SYT16: variants seen among roughly 807,000 people sequenced by gnomAD.
SYT16 encodes the protein synaptotagmin-16.
Under a neutral mutation model 61.4 loss-of-function variants are expected in SYT16, and 42 were observed. The ratio of observed to expected loss-of-function variants is 0.68; its 90% CI spans 0.53 to 0.89. SYT16 has a LOEUF of 0.89. Ranked by LOEUF, SYT16 falls within the 40% of genes least tolerant of loss-of-function variation. The pLI is 0.00. For missense variants in SYT16, 804 were observed against 807.3 expected (o/e 1.00, Z 0.05); for synonymous variants, 314 against 302.3 (o/e 1.04, Z -0.40).
chr14:62,064,349 A>AAAAAAAAAAG, intron 3 of SYT16, among the ~76,000 whole-genome samples: 1 of 150,614 alleles, frequency 6.6e-6, no homozygotes, highest in Non-Finnish European at 1.5e-5. Context: ...AAAAAAAAAA[A>AAAAAAAAAAG]AAAAAAAAAG....
chr14:61,847,743 C>T (rs2046486023), intron 1 of SYT16, among the ~76,000 whole-genome samples: 1 of 152,030 alleles, frequency 6.6e-6, no homozygotes, highest in African/African-American at 2.4e-5. Context: ...TCCTTGTTTT[C>T]TATTATTTTT....
chr14:61,857,690 A>G (rs2046819485), intron 1 of SYT16, among the ~76,000 whole-genome samples: 1 of 152,220 alleles, frequency 6.6e-6, no homozygotes, highest in African/African-American at 2.4e-5. Context: ...AGTGATAGGA[A>G]TAACTCAGTA....
chr14:61,937,522 A>G (rs1462814948), intron 1 of SYT16, among the ~76,000 whole-genome samples: 1 of 152,200 alleles, frequency 6.6e-6, no homozygotes, highest in Non-Finnish European at 1.5e-5. Flanking sequence ...TTTGGTTAAA[A>G]TTACTGAAGC....
chr14:62,016,637 C>T (rs1335669851), intron 3 of SYT16, among the ~76,000 whole-genome samples: 3 of 151,804 alleles, frequency 2.0e-5, no homozygotes, highest in Non-Finnish European at 2.9e-5. Context: ...GGCATGAACC[C>T]GGGAGGCAGA....
chr14:61,899,852 A>C lies in SYT16; in HGVS notation c.-324-70280A>C, dbSNP rs567395769. Among the ~76,000 whole-genome samples the C allele has an allele frequency of 2.0e-5, 3 of 152,268 alleles. No homozygotes were observed. In the South Asian group the frequency reaches 6.2e-4, roughly 32 times the overall value. The stretch of plus-strand genomic sequence containing the variant: ...ACCGATGAGGGAAATCAATCAGTGA[A>C]TCTCCCAGGGAGGAACTGTGTTCAG... On this transcript the variant is annotated intron_variant, in intron 1 of 7. Transcript: ENST00000683842.
intron 1 of SYT16, among the ~76,000 whole-genome samples, chr14:61,962,891 T>C (rs571560448): frequency 3.3e-5 from 5 of 152,290 alleles, no homozygotes; most frequent in Admixed American, 2.6e-4. Context: ...TTTGCTCACA[T>C]ATTGTTTTCC....
chr14:61,825,920 T>C (rs1040875562), intron 1 of SYT16, among the ~76,000 whole-genome samples: 4 of 152,184 alleles, frequency 2.6e-5, no homozygotes, highest in Non-Finnish European at 5.9e-5. Context: ...GAATTAACTT[T>C]TGCAGAGTGA....
intron 1 of SYT16, among the ~76,000 whole-genome samples, chr14:61,839,836 T>C (rs911096328): frequency 6.6e-6 from 1 of 151,804 alleles, no homozygotes; most frequent in African/African-American, 2.4e-5. Flanking sequence ...TGTATTTCTA[T>C]GTCTTTTTCT....
At chr14:61,886,880 C>CTTTTTTTTTTTTTTTTTTCT (rs371140698) in intron 1 of SYT16, among the ~76,000 whole-genome samples, 1 of 110,830 alleles carries the variant, frequency 9.0e-6, no homozygotes, top group African/African-American at 3.3e-5. Flanking sequence ...TTTTTTTTGT[C>CTTTTTTTTTTTTTTTTTTCT]TTTTTTTTTT....
intron 2 of SYT16, among the ~76,000 whole-genome samples, chr14:61,972,470 G>A (rs1427561019): frequency 6.6e-6 from 1 of 152,136 alleles, no homozygotes; most frequent in Non-Finnish European, 1.5e-5. Context: ...AAAAATACAT[G>A]TCTCAAATTC....
chr14:61,957,568 A>G (rs1268600772), intron 1 of SYT16, among the ~76,000 whole-genome samples: 1 of 151,772 alleles, frequency 6.6e-6, no homozygotes, highest in Non-Finnish European at 1.5e-5. Flanking sequence ...TGATTATGTG[A>G]TTTTTATCTT....
intron 2 of SYT16, among the ~76,000 whole-genome samples, chr14:61,992,793 A>T (rs1307835226): frequency 6.6e-6 from 1 of 152,024 alleles, no homozygotes; most frequent in East Asian, 1.9e-4. Flanking sequence ...CAACAGGGAG[A>T]GGTGAAGATT....
rs746122713 is a variant in SYT16, at chr14:62,081,238, A to T, written c.1398A>T (p.Lys466Asn). 1.2e-6 allele frequency: 2 copies of T among 1,613,838 alleles called. No homozygotes were observed. The highest frequency in any genetic ancestry group is 1.3e-5 in the African/African-American group (1 of 74,932). ...LSHLHPEGEM[K>N]VTLVLEPRSN... ...ACCTGCACCCAGAAGGGGAAATGAAAGTGACTCTGGTTCTGGAGCCAAGAA... is the reference window on the plus strand; with the variant it reads ...ACCTGCACCCAGAAGGGGAAATGAATGTGACTCTGGTTCTGGAGCCAAGAA... The change falls in exon 6 of 8, where the codon AAA (lysine) becomes AAT (asparagine). Residue 466 changes from lysine (K) to asparagine (N), a missense_variant. Transcript: ENST00000683842.
At chr14:61,938,234 G>T (rs1023129369) in intron 1 of SYT16, among the ~76,000 whole-genome samples, 1 of 152,124 alleles carries the variant, frequency 6.6e-6, no homozygotes, top group African/African-American at 2.4e-5. Flanking sequence ...TGCTTCCCTG[G>T]TGTTTATTGA....
chr14:61,960,166 A>T (rs1260254332), intron 1 of SYT16, among the ~76,000 whole-genome samples: 1 of 152,086 alleles, frequency 6.6e-6, no homozygotes, highest in Non-Finnish European at 1.5e-5. Context: ...TTTGCTTAGG[A>T]TTGCCTTCTT....
intron 1 of SYT16, among the ~76,000 whole-genome samples, chr14:61,943,521 A>G (rs530705956): frequency 6.6e-6 from 1 of 152,338 alleles, no homozygotes; most frequent in Non-Finnish European, 1.5e-5. Flanking sequence ...GCACATCAAA[A>G]AGCGTATCCA....
At chr14:61,846,754 T>G (rs2046457104) in intron 1 of SYT16, among the ~76,000 whole-genome samples, 1 of 151,208 alleles carries the variant, frequency 6.6e-6, no homozygotes, top group South Asian at 2.1e-4. Context: ...CCTGCCTTCC[T>G]TTTAGTGAAG....
intron 3 of SYT16, among the ~76,000 whole-genome samples, chr14:62,050,599 G>T (rs2055233048): frequency 6.6e-6 from 1 of 152,088 alleles, no homozygotes; most frequent in Non-Finnish European, 1.5e-5. Context: ...CCATCTTTGT[G>T]GTTTTATCTA....
intron 1 of SYT16, among the ~76,000 whole-genome samples, chr14:61,890,715 G>C (rs1388013307): frequency 1.3e-5 from 2 of 152,088 alleles, no homozygotes; most frequent in African/African-American, 4.8e-5. Flanking sequence ...TAGTAAATAC[G>C]TTAGTAAATA....
Sources: allele counts gnomAD v4.1 joint callset (sites outside exome capture counted in the v4.1 genomes callset), GRCh38; gene constraint gnomAD v4.1.1; transcripts MANE v1.5; gene names NCBI Gene and HGNC (gene_info 2026-07-23, HGNC 2026-07-21).